Variants in SCN1B observed in about 807,000 individuals in gnomAD.
The protein encoded by SCN1B is sodium voltage-gated channel beta subunit 1.
In SCN1B, 11 loss-of-function variants were observed where a neutral mutation model predicts 25.7. The observed-to-expected ratio is 0.43, with a 90% CI of 0.27 to 0.71. SCN1B has a LOEUF of 0.71. SCN1B is among the 30% of genes least tolerant of loss of function. SCN1B has a pLI of 0.21. For missense variants in SCN1B, 224 were observed against 291.5 expected (o/e 0.77, Z 1.69); for synonymous variants, 119 against 117.5 (o/e 1.01, Z -0.08).
rs945765750 is a variant in SCN1B at position 35,039,829 on chromosome 19, G to C, written c.*38G>C. 2.0e-6 allele frequency: 2 copies of C among 1,008,684 alleles called. No homozygotes were observed. The highest frequency in any genetic ancestry group is 1.6e-5 in the African/African-American group (1 of 62,454). 62.5% of individuals were successfully genotyped at this position (1,008,684 alleles called of 1,614,324 possible). A position where few individuals can be genotyped will look rare whatever the true frequency, so the allele number is the denominator to read the frequency against. ...GCCCCGCCTCAAGGAAGAGCCAGCC[G>C]TAATGGGGACTCTCCAGGCACCGCC... is the stretch of plus-strand genomic sequence containing the variant. On this transcript the variant is annotated 3_prime_UTR_variant, in exon 6 of 6. Coordinates refer to ENST00000262631, the MANE Select transcript of SCN1B (RefSeq NM_001037.5).
rs66876876 is a variant in SCN1B at position 35,033,932 on chromosome 19, G to A, written c.448+193G>A. 4,771 of 1,559,664 alleles carry A rather than the reference G, an allele frequency of 3.1e-3. 9 individuals are homozygous for A. The highest frequency in any genetic ancestry group is 3.7e-3 in the Non-Finnish European group (4,275 of 1,151,352). On this transcript the variant is annotated intron_variant, in intron 3 of 5. Transcript: ENST00000262631. The stretch of plus-strand genomic sequence containing the variant: ...TGGCCTCTGTTTCTCTCCAGCCCAC[G>A]GAGAGGTCAAAGCATGCCTGTCCCC...
rs1049927697 is a variant in SCN1B at position 35,039,107 on chromosome 19, G to A, written c.449-10G>A. ...TGGGCTACCCCCTTAACCCTGCCTG[G>A]CCCCTGCAGCCAACAGAGACATGGC... is the stretch of plus-strand genomic sequence containing the variant. On this transcript the variant is annotated splice_polypyrimidine_tract_variant and intron_variant, in intron 3 of 5. Transcript: ENST00000262631. The A allele has an allele frequency of 5.6e-6, 9 of 1,613,968 alleles. No individual in the cohort carries two copies. The highest frequency in any genetic ancestry group is 6.8e-6 in the Non-Finnish European group (8 of 1,180,026).
chr19:35,039,238 G>T lies in SCN1B; in HGVS notation c.570G>T (p.Glu190Asp), dbSNP rs1422403439. ...ACAAGAAGATCGCTGCCGCCACGGA[G>T]ACTGCTGCACAGGAGAATGCGTGAG... ...YCYKKIAAAT[E>D]TAAQENASEY... Residue 190 changes from glutamate to aspartate, a missense_variant, in exon 4 of 6, where the codon GAG becomes GAT. Around this residue, in one of 3 missense-constraint regions of SCN1B, gnomAD observed 52 missense variants for 50.8 expected, o/e 1.02. Coordinates refer to ENST00000262631, the MANE Select transcript of SCN1B (RefSeq NM_001037.5). 9 of 1,613,714 alleles carry T rather than the reference G, an allele frequency of 5.6e-6. No individual in the cohort carries two copies. The highest frequency in any genetic ancestry group is 6.8e-6 in the Non-Finnish European group (8 of 1,180,052).
At position 35,032,500 on chromosome 19, in the gene SCN1B, GCCTGAC is replaced by G. The variant is rs749373268; in HGVS notation, c.41-26_41-21del. 6.2e-7 allele frequency: 1 copy of G among 1,612,312 alleles called. No individual in the cohort carries two copies. The highest frequency in any genetic ancestry group is 1.1e-5 in the South Asian group (1 of 91,062). ...ATTGCTTAGGGCAATGGGTGCCTCT[GCCTGAC>G]CTGAGCCTGCTGTCCCCACAGTGTC... On this transcript the variant is annotated intron_variant, in intron 1 of 5. Coordinates refer to ENST00000262631, the MANE Select transcript of SCN1B (RefSeq NM_001037.5). This position sits in a 1 kb window ranked among gnomAD's most constrained non-coding sequence, Gnocchi z 4.3.
In SCN1B at chr19:35,039,219, A is replaced by C; in HGVS notation, c.551A>C (p.Lys184Thr). The C allele has an allele frequency of 1.2e-6, 2 of 1,614,124 alleles. No homozygotes were observed. Among genetic ancestry groups the C allele is most frequent in the Non-Finnish European group, 1.7e-6 (2 of 1,180,040 alleles). The part of the protein sequence containing the change: ...LVAEMIYCYK[K>T]IAAATETAAQ... ...GCAGAGATGATTTACTGCTACAAGA[A>C]GATCGCTGCCGCCACGGAGACTGCT... Residue 184 changes from lysine (K) to threonine (T), a missense_variant, in exon 4 of 6, where the codon AAG becomes ACG. Lys to Thr is a moderately conservative substitution (Grantham distance 78). Coordinates refer to ENST00000262631, the MANE Select transcript of SCN1B (RefSeq NM_001037.5).
intron 3 of SCN1B, 145 bp from the exon 4 acceptor site, chr19:35,038,972 C>T (rs2064265123): frequency 1.0e-6 from 1 of 985,094 alleles, no homozygotes; most frequent in African/African-American, 1.6e-5. Flanking sequence ...CCAGGCCTAC[C>T]CAAGGCTGGG....
chr19:35,039,361 A>T (rs1321296253), intron 4 of SCN1B, 103 bp downstream of exon 4: 88 of 1,528,552 alleles, frequency 5.8e-5, no homozygotes, highest in Non-Finnish European at 7.5e-5. Context: ...GGAGCGGCCC[A>T]GGGCGCCATC....
At chr19:35,034,709 G>A (rs2064237622) in intron 3 of SCN1B, 1 of 155,498 alleles carries the variant, frequency 6.4e-6, no homozygotes, top group African/African-American at 2.4e-5. Flanking sequence ...GCCTTACACG[G>A]AGTCCCTTAG....
At position 35,039,819 on chromosome 19, in the gene SCN1B, A is replaced by AT; in HGVS notation, c.*28_*29insT. On this transcript the variant is annotated 3_prime_UTR_variant, in exon 6 of 6. Transcript: ENST00000262631. ...CAGGCCCTGGGCCCCGCCTCAAGGAAGAGCCAGCCGTAATGGGGACTCTCC... is the reference window on the plus strand; with the variant it reads ...CAGGCCCTGGGCCCCGCCTCAAGGAATGAGCCAGCCGTAATGGGGACTCTCC... 8.9e-7 allele frequency: 1 copy of AT among 1,128,682 alleles called. No homozygotes were observed. The highest frequency in any genetic ancestry group is 1.3e-6 in the Non-Finnish European group (1 of 773,762). The allele number at this position is 1,128,682 out of a possible 1,614,324, so 69.9% of individuals were successfully genotyped here.
intron 2 of SCN1B, among the ~76,000 whole-genome samples, chr19:35,033,158 C>G (rs770203737): frequency 6.6e-6 from 1 of 152,022 alleles, no homozygotes; most frequent in Non-Finnish European, 1.5e-5. Flanking sequence ...TCTCCAGCTG[C>G]TGGAATCAGG....
chr19:35,037,740 AT>A (rs1389557697), intron 3 of SCN1B: 3 of 149,822 alleles, frequency 2.0e-5, no homozygotes, highest in Non-Finnish European at 4.4e-5. Context: ...GAGGCCAGGA[AT>A]TCAAGACCAG....
In SCN1B at chr19:35,032,626, A is replaced by G; in HGVS notation, c.139A>G (p.Ser47Gly). 1.2e-6 allele frequency: 2 copies of G among 1,614,200 alleles called. No individual in the cohort carries two copies. The highest frequency in any genetic ancestry group is 1.7e-6 in the Non-Finnish European group (2 of 1,180,052). Residue 47 changes from serine to glycine, a missense_variant, in exon 2 of 6, where the codon AGC becomes GGC. This residue lies in a region of SCN1B where 126 missense variants were observed against 204.9 expected (regional missense o/e 0.61). Transcript: ENST00000262631. The surrounding 1 kb of genome is among the most constrained non-coding windows in gnomAD (Gnocchi z 4.3). ...KILCISCKRR[S>G]ETNAETFTEW... ...TCTTTGCATCTCCTGCAAGCGCCGC[A>G]GCGAGACCAACGCTGAGACCTTCAC...
At chr19:35,033,911 C>T in intron 3 of SCN1B, 172 bp downstream of exon 3, 1 of 1,575,598 alleles carries the variant, frequency 6.3e-7, no homozygotes, top group Non-Finnish European at 8.6e-7. Context: ...CAGCTCTGGC[C>T]TCTGTTTCTC....
chr19:35,030,978 G>T (rs1217595902), intron 1 of SCN1B, 118 bp downstream of exon 1: 1 of 189,868 alleles, frequency 5.3e-6, no homozygotes, highest in Non-Finnish European at 1.1e-5. Context: ...CCCATCCCCG[G>T]GCCCCGCCAA....
intron 3 of SCN1B, chr19:35,034,373 G>A: frequency 2.0e-6 from 1 of 500,172 alleles, no homozygotes; most frequent in South Asian, 2.3e-5. Flanking sequence ...AAAGCTCTCA[G>A]GTGAGGCAGT....
intron 3 of SCN1B, chr19:35,036,524 C>G (rs1177227804): frequency 6.6e-6 from 1 of 152,098 alleles, no homozygotes; most frequent in Non-Finnish European, 1.5e-5. Context: ...ACTGCACCTC[C>G]CGGGCTCAAG....
In SCN1B at chr19:35,039,353, A is replaced by T. The variant is rs527723665; in HGVS notation, c.590+95A>T. 21 of 1,560,992 alleles carry T rather than the reference A, an allele frequency of 1.3e-5. No individual in the cohort carries two copies. The African/African-American group carries it at 1.9e-4, about 14-fold the overall frequency. On this transcript the variant is annotated intron_variant, in intron 4 of 5. Coordinates refer to ENST00000262631, the MANE Select transcript of SCN1B (RefSeq NM_001037.5). ...AGCCCGGGCAGGGAGGAGGCAGCGG[A>T]GCGGCCCAGGGCGCCATCTCTCAGT...
chr19:35,034,429 A>G (rs2064236057), intron 3 of SCN1B: 1 of 358,368 alleles, frequency 2.8e-6, no homozygotes, highest in Non-Finnish European at 5.2e-6. Flanking sequence ...GCAAGGGCCT[A>G]CAGCGCTTTT....
intron 3 of SCN1B, chr19:35,035,381 C>T (rs1401494444): frequency 1.3e-5 from 2 of 152,038 alleles, no homozygotes; most frequent in Non-Finnish European, 2.9e-5. Flanking sequence ...CCTCTGCCTC[C>T]CAGGTTCAAG....
Sources: gnomAD v4.1 joint callset for allele counts (sites outside exome capture counted in the v4.1 genomes callset) on GRCh38, gnomAD v4.1.1 for gene constraint, gnomAD v4.1.1 regional missense constraint, Gnocchi (gnomAD v3.1) non-coding constraint, MANE v1.5 for transcripts, NCBI Gene and HGNC (gene_info 2026-07-23, HGNC 2026-07-21) for gene names.